The following EXD1 variants were observed in gnomAD, a reference collection of about 807,000 sequenced individuals.
EXD1 encodes the protein exonuclease 3'-5' domain containing 1, also known as piRNA biogenesis protein EXD1.
Under a neutral mutation model 49.1 loss-of-function variants are expected in EXD1, and 63 were observed. That is an observed-to-expected ratio of 1.28 (90% CI 1.05 to 1.58). The LOEUF (loss-of-function observed/expected upper bound fraction) is 1.58. Among genes scored for constraint, EXD1 ranks in the 40% most tolerant of loss-of-function variants. EXD1 has a pLI of 0.00. For synonymous variants in EXD1, 234 were observed against 239.2 expected (o/e 0.98, Z 0.20); for missense variants, 748 against 666.0 (o/e 1.12, Z -1.36).
chr15:41,186,945 C>A (rs1271241875), intron 11 of EXD1, among the ~76,000 whole-genome samples: 1 of 147,260 alleles, frequency 6.8e-6, no homozygotes, highest in African/African-American at 2.5e-5. Flanking sequence ...AGTGCAATGG[C>A]GTGATCTCAG....
At chr15:41,201,287 T>G (rs1196230759) in intron 7 of EXD1, among the ~76,000 whole-genome samples, 1 of 152,134 alleles carries the variant, frequency 6.6e-6, no homozygotes, top group East Asian at 1.9e-4. Context: ...CAGTATCTCA[T>G]TATTAACAAC....
At chr15:41,212,977 G>C (rs2140885704) in intron 6 of EXD1, among the ~76,000 whole-genome samples, 1 of 151,924 alleles carries the variant, frequency 6.6e-6, no homozygotes. Flanking sequence ...GGAGGTCCAG[G>C]CTGCAGTGAA....
chr15:41,227,656 C>T (rs376064294), intron 1 of EXD1, among the ~76,000 whole-genome samples: 3 of 133,204 alleles, frequency 2.3e-5, no homozygotes, highest in Admixed American at 8.0e-5. Context: ...CCAGCCTGTG[C>T]GACAGAGCAA....
intron 7 of EXD1, among the ~76,000 whole-genome samples, chr15:41,198,033 T>A (rs1372716777): frequency 6.6e-6 from 1 of 151,900 alleles, no homozygotes; most frequent in African/African-American, 2.4e-5. Flanking sequence ...TCAAAAAAAA[T>A]AAAAATAAAG....
chr15:41,214,766 G>C (rs528673957), intron 6 of EXD1, among the ~76,000 whole-genome samples: 1 of 150,392 alleles, frequency 6.6e-6, no homozygotes, highest in South Asian at 2.1e-4. Context: ...TTTTTTTTGA[G>C]ATGGAGTCTC....
chr15:41,226,645 G>A lies in EXD1; in HGVS notation c.-53-17C>T. 2 of 1,464,566 alleles carry A rather than the reference G, an allele frequency of 1.4e-6. No homozygotes were observed. Among genetic ancestry groups the A allele is most frequent in the East Asian group, 5.0e-5 (2 of 39,892 alleles). 90.7% of individuals were successfully genotyped at this position (1,464,566 alleles called of 1,614,324 possible). ...ATCCAAACACTTGAAAATTAATAAA[G>A]AGATCTATGAATTTTAAAAGATTTT... On this transcript the variant is annotated splice_polypyrimidine_tract_variant and intron_variant, in intron 1 of 11. Transcript: ENST00000458580.
intron 11 of EXD1, among the ~76,000 whole-genome samples, chr15:41,189,680 A>AAAAT (rs1027075075): frequency 9.2e-5 from 14 of 151,748 alleles, no homozygotes; most frequent in African/African-American, 3.4e-4. Flanking sequence ...ATAAATAAAT[A>AAAAT]AAATAAAATA....
intron 3 of EXD1, among the ~76,000 whole-genome samples, chr15:41,217,529 C>CT (rs3033817): frequency 0.13 from 16,159 of 126,830 alleles, 1,433 homozygotes; most frequent in South Asian, 0.27. Flanking sequence ...GAGGGTTTTC[C>CT]TTTTTTTTTT....
At chr15:41,210,341 G>A (rs920227253) in intron 6 of EXD1, among the ~76,000 whole-genome samples, 5 of 152,166 alleles carry the variant, frequency 3.3e-5, no homozygotes, top group African/African-American at 2.4e-5. Flanking sequence ...TGCTCAGAAA[G>A]ACAGAAACAA....
intron 6 of EXD1, 74 bp from the exon 7 acceptor site, chr15:41,209,661 A>C: frequency 1.6e-6 from 2 of 1,274,130 alleles, no homozygotes; most frequent in East Asian, 2.3e-5. Flanking sequence ...GATTGGCACA[A>C]ATACAATGGT....
chr15:41,214,438 A>G (rs1425225861), intron 6 of EXD1, among the ~76,000 whole-genome samples: 1 of 150,586 alleles, frequency 6.6e-6, no homozygotes, highest in Non-Finnish European at 1.5e-5. Context: ...GCTTGAACCC[A>G]GGAGGCGGAG....
chr15:41,193,085 C>G (rs2046554787), intron 9 of EXD1, among the ~76,000 whole-genome samples: 1 of 151,992 alleles, frequency 6.6e-6, no homozygotes, highest in Non-Finnish European at 1.5e-5. Flanking sequence ...CGCCCGGCCT[C>G]TTAAAATTTT....
chr15:41,197,828 G>A (rs1471512403), intron 7 of EXD1, among the ~76,000 whole-genome samples: 10 of 151,672 alleles, frequency 6.6e-5, no homozygotes, highest in Admixed American at 2.6e-4. Flanking sequence ...GTTTCACTAT[G>A]TTGGCCAGGC....
chr15:41,187,045 C>T (rs1049131816), intron 11 of EXD1, among the ~76,000 whole-genome samples: 9 of 152,064 alleles, frequency 5.9e-5, no homozygotes, highest in East Asian at 1.9e-4. Context: ...CCACCATGCC[C>T]GGCTAATTTT....
At chr15:41,222,445 A>C (rs1040031295) in intron 2 of EXD1, among the ~76,000 whole-genome samples, 1 of 152,146 alleles carries the variant, frequency 6.6e-6, no homozygotes, top group African/African-American at 2.4e-5. Context: ...CTACTCAACC[A>C]GATGGAGTTC....
rs1566997079 is a variant in EXD1 at position 41,226,424 on chromosome 15, A to G, written c.133+19T>C. ...CTAATCTCTTAAAAGGCAGAACATT[A>G]TAAGAAATAGAACAAGACCTTTCTT... On this transcript the variant is annotated intron_variant, in intron 2 of 11. Transcript: ENST00000458580. 2.0e-6 allele frequency: 3 copies of G among 1,534,676 alleles called. No homozygotes were observed. The highest frequency in any genetic ancestry group is 2.4e-5 in the East Asian group (1 of 40,910).
chr15:41,217,593 C>T (rs1029307286), intron 3 of EXD1, among the ~76,000 whole-genome samples: 5 of 139,852 alleles, frequency 3.6e-5, no homozygotes, highest in African/African-American at 1.1e-4. Flanking sequence ...TGCAGAGGTG[C>T]GACCTCAGCT....
chr15:41,216,982 C>T, intron 4 of EXD1, 115 bp downstream of exon 4: 4 of 1,298,730 alleles, frequency 3.1e-6, no homozygotes, highest in Non-Finnish European at 4.3e-6. Flanking sequence ...TATTTCTTCT[C>T]ATTTCTATTT....
intron 7 of EXD1, among the ~76,000 whole-genome samples, chr15:41,201,691 T>C (rs755027742): frequency 1.3e-5 from 2 of 151,986 alleles, no homozygotes; most frequent in Non-Finnish European, 2.9e-5. Context: ...GGTTTCACCA[T>C]ATTGGCCAGG....
Sources: gnomAD v4.1 joint callset for allele counts (sites outside exome capture counted in the v4.1 genomes callset) on GRCh38, gnomAD v4.1.1 for gene constraint, MANE v1.5 for transcripts, NCBI Gene and HGNC (gene_info 2026-07-23, HGNC 2026-07-21) for gene names.